The following ITGA9 variants were observed in gnomAD, a reference collection of about 807,000 sequenced individuals.
ITGA9 encodes the protein integrin subunit alpha 9.
Under a neutral mutation model 127.8 loss-of-function variants are expected in ITGA9, and 56 were observed. The observed-to-expected ratio is 0.44, with a 90% CI of 0.35 to 0.55. The LOEUF (loss-of-function observed/expected upper bound fraction) is 0.55. Among genes scored for constraint, ITGA9 ranks in the 20% least tolerant of loss-of-function variants. The pLI is 0.00. For synonymous variants in ITGA9, 508 were observed against 514.5 expected (o/e 0.99, Z 0.17); for missense variants, 1,196 against 1,347.1 (o/e 0.89, Z 1.76).
At chr3:37,501,540 A>G (rs994011673) in intron 5 of ITGA9, among the ~76,000 whole-genome samples, 2 of 152,164 alleles carry the variant, frequency 1.3e-5, no homozygotes, top group African/African-American at 4.8e-5. Flanking sequence ...AGATGAGAAC[A>G]TTTCCATCAC....
intron 18 of ITGA9, among the ~76,000 whole-genome samples, chr3:37,713,201 C>T (rs188710611): frequency 5.5e-4 from 84 of 152,270 alleles, no homozygotes; most frequent in African/African-American, 1.8e-3. Flanking sequence ...TCTGTCTCTC[C>T]TGTCAGAAGC....
At chr3:37,555,950 AG>A (rs1256127007) in intron 15 of ITGA9, among the ~76,000 whole-genome samples, 1 of 152,216 alleles carries the variant, frequency 6.6e-6, no homozygotes, top group Non-Finnish European at 1.5e-5. Context: ...AGAGGATGGA[AG>A]TGGTATTGCT....
chr3:37,483,408 G>A (rs557530705), intron 4 of ITGA9, among the ~76,000 whole-genome samples: 1 of 152,288 alleles, frequency 6.6e-6, no homozygotes, highest in East Asian at 1.9e-4. Flanking sequence ...CAGAAGCTGT[G>A]AAAAATGTTT....
chr3:37,552,757 G>A (rs1348734514), intron 15 of ITGA9, among the ~76,000 whole-genome samples: 1 of 152,180 alleles, frequency 6.6e-6, no homozygotes, highest in Non-Finnish European at 1.5e-5. Context: ...GCTCACGCCT[G>A]TAATCCCAGC....
chr3:37,469,196 G>T (rs1335107607), intron 1 of ITGA9, among the ~76,000 whole-genome samples: 2 of 152,320 alleles, frequency 1.3e-5, no homozygotes, highest in South Asian at 2.1e-4. Flanking sequence ...GTAGCCGGGG[G>T]ATGCTCCTGC....
chr3:37,627,788 T>C (rs1700190415), intron 15 of ITGA9, among the ~76,000 whole-genome samples: 1 of 152,186 alleles, frequency 6.6e-6, no homozygotes, highest in Non-Finnish European at 1.5e-5. Context: ...ATGCTGTATG[T>C]CATCAAAAAG....
chr3:37,520,164 G>A (rs552549628), intron 11 of ITGA9, among the ~76,000 whole-genome samples: 62 of 152,254 alleles, frequency 4.1e-4, no homozygotes, highest in African/African-American at 1.5e-3. Context: ...ATGAATAATT[G>A]TCCTTGGCAG....
intron 13 of ITGA9, among the ~76,000 whole-genome samples, 161 bp downstream of exon 13, chr3:37,526,232 C>T (rs1335748543): frequency 6.6e-6 from 1 of 152,098 alleles, no homozygotes; most frequent in Non-Finnish European, 1.5e-5. Context: ...TATTCTCTAT[C>T]CCAGAGTTTC....
At chr3:37,480,758 G>A (rs1298918403) in intron 3 of ITGA9, among the ~76,000 whole-genome samples, 1 of 152,016 alleles carries the variant, frequency 6.6e-6, no homozygotes, top group Non-Finnish European at 1.5e-5. Context: ...CAGTCCCTTG[G>A]GCCTGTCAGC....
At chr3:37,754,187 G>T (rs762640670) in intron 23 of ITGA9, 3 of 152,220 alleles carry the variant, frequency 2.0e-5, no homozygotes, top group Non-Finnish European at 4.4e-5. Flanking sequence ...ATGAAGGGAA[G>T]AGGGTAGTGG....
chr3:37,471,270 CATGTATTGAGTACGTA>C, intron 2 of ITGA9, 136 bp downstream of exon 2: 1 of 1,008,992 alleles, frequency 9.9e-7, no homozygotes, highest in Non-Finnish European at 1.6e-6. Flanking sequence ...CTCCAACAAG[CATGTATTGAGTACGTA>C]ATAGTTATTA....
At chr3:37,472,022 C>T (rs998056465) in intron 2 of ITGA9, among the ~76,000 whole-genome samples, 1 of 151,984 alleles carries the variant, frequency 6.6e-6, no homozygotes, top group African/African-American at 2.4e-5. Flanking sequence ...CCACTGCACT[C>T]CAGCCTGGGT....
rs142033591 is a variant in ITGA9 at position 37,510,720 on chromosome 3, C to G, written c.897+2093C>G. On this transcript the variant is annotated intron_variant, in intron 8 of 27. Coordinates refer to ENST00000264741, the MANE Select transcript of ITGA9 (RefSeq NM_002207.3). ...TTCCCTGAGAAGGGACAGAAAGGCC[C>G]AGGTATTCAACTTCTTGGCTTCGTA... Among the ~76,000 whole-genome samples, 334 of 152,262 alleles carry G rather than the reference C, an allele frequency of 2.2e-3. 3 individuals carry two copies. Among genetic ancestry groups the G allele is most frequent in the African/African-American group, 7.6e-3 (317 of 41,562 alleles).
intron 23 of ITGA9, among the ~76,000 whole-genome samples, chr3:37,758,714 G>A (rs1310203342): frequency 8.6e-5 from 13 of 151,692 alleles, no homozygotes; most frequent in Admixed American, 2.0e-4. Context: ...TTGTGTTGGA[G>A]GCCTTAACAA....
At chr3:37,585,738 C>T (rs992985839) in intron 15 of ITGA9, 9 of 478,080 alleles carry the variant, frequency 1.9e-5, no homozygotes, top group African/African-American at 1.8e-4. Flanking sequence ...GTGGTGAACA[C>T]TAATATGCCT....
At chr3:37,818,191 T>TTAAAAAAAAA (rs1553674108) in intron 27 of ITGA9, 7 of 31,970 alleles carry the variant, frequency 2.2e-4, no homozygotes, top group African/African-American at 6.6e-4. Context: ...TAAGACTCTC[T>TTAAAAAAAAA]AAAAAAAAAA....
chr3:37,617,016 T>C (rs1351980385), intron 15 of ITGA9, among the ~76,000 whole-genome samples: 2 of 152,270 alleles, frequency 1.3e-5, no homozygotes, highest in Admixed American at 6.5e-5. Flanking sequence ...TGATGTTAGC[T>C]GGTTATTTTG....
chr3:37,561,831 C>T (rs942572557), intron 15 of ITGA9, among the ~76,000 whole-genome samples: 3 of 152,136 alleles, frequency 2.0e-5, no homozygotes, highest in Non-Finnish European at 4.4e-5. Context: ...TGCACAGGCT[C>T]GAGTACAAGC....
intron 15 of ITGA9, among the ~76,000 whole-genome samples, chr3:37,571,664 T>C (rs1280355514): frequency 6.6e-6 from 1 of 152,122 alleles, no homozygotes; most frequent in Non-Finnish European, 1.5e-5. Flanking sequence ...CTGGAGATAT[T>C]GATGCTGCTG....
Sources: gnomAD v4.1 joint callset for allele counts (sites outside exome capture counted in the v4.1 genomes callset) on GRCh38, gnomAD v4.1.1 for gene constraint, MANE v1.5 for transcripts, NCBI Gene and HGNC (gene_info 2026-07-23, HGNC 2026-07-21) for gene names.